TMEM38B: variants seen among roughly 807,000 people sequenced by gnomAD.
TMEM38B encodes transmembrane protein 38B.
A neutral mutation model predicts 28.7 loss-of-function variants in TMEM38B; 24 were observed. The ratio of observed to expected loss-of-function variants is 0.84; its 90% CI spans 0.61 to 1.18. The LOEUF (loss-of-function observed/expected upper bound fraction) is 1.18, where lower values mean the gene tolerates loss of function less well. TMEM38B is among the 50% of genes most tolerant of loss of function. The probability of loss-of-function intolerance (pLI) is 0.00; values close to 1 mark genes in which losing one functional copy is unlikely to be tolerated. For missense variants in TMEM38B, 380 were observed against 350.9 expected, an observed-to-expected ratio of 1.08 and a Z score of -0.66; for synonymous variants, 131 against 127.7, an observed-to-expected ratio of 1.03 and a Z score of -0.17.
At chr9:105,729,922 G>A (rs969649167) in intron 4 of TMEM38B, among the ~76,000 whole-genome samples, 1 of 152,088 alleles carries the variant, frequency 6.6e-6, no homozygotes, top group African/African-American at 2.4e-5. Context: ...TTTGCACATT[G>A]ATTTTGTATC....
intron 4 of TMEM38B, among the ~76,000 whole-genome samples, chr9:105,724,208 T>C (rs1043568164): frequency 6.6e-6 from 1 of 152,212 alleles, no homozygotes; most frequent in African/African-American, 2.4e-5. Flanking sequence ...GTATAGTTAC[T>C]GTTCCCATAA....
chr9:105,703,731 A>G (rs930778212), intron 1 of TMEM38B, among the ~76,000 whole-genome samples: 36 of 151,638 alleles, frequency 2.4e-4, no homozygotes, highest in South Asian at 2.1e-4. Context: ...CTTTTTAATG[A>G]TTGCCATTCT....
chr9:105,758,857 A>T, intron 5 of TMEM38B: 1 of 990,904 alleles, frequency 1.0e-6, no homozygotes, highest in Non-Finnish European at 1.6e-6. Context: ...GCAGTTGATA[A>T]TAGAAAACTA....
At chr9:105,699,475 G>A (rs966588464) in intron 1 of TMEM38B, among the ~76,000 whole-genome samples, 13 of 152,054 alleles carry the variant, frequency 8.5e-5, no homozygotes, top group Admixed American at 7.2e-4. Context: ...ACCTCACTCC[G>A]TACTTTCCCA....
chr9:105,758,059 A>G, intron 5 of TMEM38B: 1 of 310,018 alleles, frequency 3.2e-6, no homozygotes. Flanking sequence ...TGCTATTCAA[A>G]TCGGCGGCAG....
chr9:105,760,587 A>G (rs570509837), intron 5 of TMEM38B: 1 of 754,188 alleles, frequency 1.3e-6, no homozygotes, highest in Non-Finnish European at 2.4e-6. Context: ...GTTTACCTCT[A>G]AAGGAGAAAA....
chr9:105,747,195 CCGT>C (rs1370904354), intron 4 of TMEM38B, among the ~76,000 whole-genome samples: 7 of 152,200 alleles, frequency 4.6e-5, no homozygotes. Context: ...GGCTGTGAAT[CCGT>C]CTGGTCCTGG....
chr9:105,758,871 C>A, intron 5 of TMEM38B: 1 of 1,019,214 alleles, frequency 9.8e-7, no homozygotes, highest in Non-Finnish European at 1.6e-6. Context: ...AAAACTAAGC[C>A]AGGAAGATGT....
intron 2 of TMEM38B, 32 bp from the exon 3 acceptor site, chr9:105,721,505 A>C: frequency 6.9e-7 from 1 of 1,446,974 alleles, no homozygotes; most frequent in East Asian, 2.5e-5. Context: ...TGATTCCATT[A>C]ATATATTAAA....
At chr9:105,747,293 G>A in intron 4 of TMEM38B, among the ~76,000 whole-genome samples, 1 of 152,198 alleles carries the variant, frequency 6.6e-6, no homozygotes, top group Non-Finnish European at 1.5e-5. Flanking sequence ...TTTCTTCCTG[G>A]TTTAGTCTTG....
At position 105,728,594 on chromosome 9, in the gene TMEM38B, G is replaced by A. The variant is rs568793158; in HGVS notation, c.542+5973G>A. 1.1e-3 allele frequency among the ~76,000 whole-genome samples: 169 copies of A among 152,260 alleles called. 1 individual carries two copies. Among genetic ancestry groups the A allele is most frequent in the Non-Finnish European group, 1.4e-3 (98 of 68,036 alleles). On this transcript the variant is annotated intron_variant, in intron 4 of 5. Transcript: ENST00000374692. ...AGCAGCATGATTTATAATCCTTTGG[G>A]TATATACCCAGTAATGGGATGACTG...
chr9:105,715,152 AAGAAATGATTAC>A (rs1429374493), intron 2 of TMEM38B, among the ~76,000 whole-genome samples: 1 of 152,166 alleles, frequency 6.6e-6, no homozygotes, highest in Non-Finnish European at 1.5e-5. Flanking sequence ...AAGACTACCA[AAGAAATGATTAC>A]AGAAAATTAT....
intron 2 of TMEM38B, among the ~76,000 whole-genome samples, chr9:105,715,545 T>C (rs1481207553): frequency 6.6e-6 from 1 of 152,102 alleles, no homozygotes; most frequent in African/African-American, 2.4e-5. Flanking sequence ...CTTCTTTGCC[T>C]TTCTTCAAGG....
chr9:105,775,280 A>G lies in TMEM38B; in HGVS notation c.*1200A>G, dbSNP rs539564390. On this transcript the variant is annotated 3_prime_UTR_variant, in exon 6 of 6. Transcript: ENST00000374692. ...CCATTTAGATGAAGAATGATGATATAAAATCTGGTTCCTTCTTAGCAAAAT... is the reference window on the plus strand; with the variant it reads ...CCATTTAGATGAAGAATGATGATATGAAATCTGGTTCCTTCTTAGCAAAAT... The G allele has an allele frequency of 6.6e-6, 1 of 152,282 alleles. No homozygotes were observed. The highest frequency in any genetic ancestry group is 2.4e-5 in the African/African-American group (1 of 41,586). 9.4% of individuals were successfully genotyped at this position (152,282 alleles called of 1,614,324 possible). A position where few individuals can be genotyped will look rare whatever the true frequency, so the allele number is the denominator to read the frequency against.
At chr9:105,718,547 T>G (rs781704188) in intron 2 of TMEM38B, among the ~76,000 whole-genome samples, 1 of 152,180 alleles carries the variant, frequency 6.6e-6, no homozygotes, top group Non-Finnish European at 1.5e-5. Context: ...CCATTTGATT[T>G]TAATTTGAGA....
At chr9:105,735,396 C>G (rs1836935346) in intron 4 of TMEM38B, among the ~76,000 whole-genome samples, 3 of 152,188 alleles carry the variant, frequency 2.0e-5, no homozygotes, top group Non-Finnish European at 2.9e-5. Flanking sequence ...TATATACTTT[C>G]ACATACTTTC....
chr9:105,733,239 A>C (rs188748269), intron 4 of TMEM38B, among the ~76,000 whole-genome samples: 1 of 152,134 alleles, frequency 6.6e-6, no homozygotes, highest in East Asian at 1.9e-4. Flanking sequence ...TTCTGTAGCT[A>C]TCTATTAGGT....
At chr9:105,772,889 TTTAAC>T (rs1749037567) in intron 5 of TMEM38B, among the ~76,000 whole-genome samples, 1 of 152,150 alleles carries the variant, frequency 6.6e-6, no homozygotes, top group Admixed American at 6.6e-5. Context: ...ATAGCATGCA[TTTAAC>T]TTATCTATTC....
intron 5 of TMEM38B, among the ~76,000 whole-genome samples, chr9:105,756,851 C>T (rs1423748961): frequency 6.6e-6 from 1 of 151,886 alleles, no homozygotes; most frequent in Non-Finnish European, 1.5e-5. Flanking sequence ...TGCCTAAATC[C>T]CATTTAGATT....
Sources: gnomAD v4.1 joint callset for allele counts (sites outside exome capture counted in the v4.1 genomes callset) on GRCh38, gnomAD v4.1.1 for gene constraint, MANE v1.5 for transcripts, NCBI Gene and HGNC (gene_info 2026-07-23, HGNC 2026-07-21) for gene names.